Variants in AFF3 observed in about 807,000 individuals in gnomAD.
AFF3 encodes the protein AF4/FMR2 family member 3.
In AFF3, 32 loss-of-function variants were observed where a neutral mutation model predicts 129.7. The ratio of observed to expected loss-of-function variants is 0.25; its 90% CI spans 0.19 to 0.33. AFF3 has a LOEUF of 0.33. Among genes scored for constraint, AFF3 ranks in the 10% least tolerant of loss-of-function variants. The pLI, the probability that AFF3 is intolerant of heterozygous loss-of-function variation, is 1.00. For synonymous variants in AFF3, 644 were observed against 635.4 expected, an observed-to-expected ratio of 1.01 and a Z score of -0.20; for missense variants, 1,373 against 1,592.0, an observed-to-expected ratio of 0.86 and a Z score of 2.34.
chr2:99,895,738 TA>T (rs1447024549), intron 7 of AFF3, among the ~76,000 whole-genome samples: 1 of 151,864 alleles, frequency 6.6e-6, no homozygotes, highest in Non-Finnish European at 1.5e-5. Context: ...GAATAAACCA[TA>T]TTTGCACATT....
intron 4 of AFF3, among the ~76,000 whole-genome samples, chr2:100,023,859 G>A (rs1434635222): frequency 6.6e-6 from 1 of 152,180 alleles, no homozygotes; most frequent in Non-Finnish European, 1.5e-5. Context: ...TCTCAGACAG[G>A]TGGCCTGGGT....
intron 7 of AFF3, among the ~76,000 whole-genome samples, chr2:99,942,794 G>A (rs1314295693): frequency 6.6e-6 from 1 of 152,058 alleles, no homozygotes; most frequent in Admixed American, 6.5e-5. Context: ...ATTCCCATCA[G>A]AGAAGGAGCA....
intron 13 of AFF3, among the ~76,000 whole-genome samples, chr2:99,619,703 T>G (rs1681803896): frequency 6.6e-6 from 1 of 152,208 alleles, no homozygotes; most frequent in African/African-American, 2.4e-5. Context: ...ACTGACACCC[T>G]TGGCTTGTCT....
chr2:99,928,134 T>C (rs989537376), intron 7 of AFF3, among the ~76,000 whole-genome samples: 38 of 152,218 alleles, frequency 2.5e-4, no homozygotes, highest in African/African-American at 8.2e-4. Flanking sequence ...ACCTCTTTCG[T>C]TTGTAAACTG....
chr2:100,061,796 GA>G (rs1173569509), intron 4 of AFF3, among the ~76,000 whole-genome samples: 1 of 144,696 alleles, frequency 6.9e-6, no homozygotes. Context: ...CTTTGAGGGG[GA>G]AAAAAAGAGC....
At chr2:99,562,799 G>A (rs1314264554) in intron 20 of AFF3, among the ~76,000 whole-genome samples, 1 of 152,200 alleles carries the variant, frequency 6.6e-6, no homozygotes, top group African/African-American at 2.4e-5. Context: ...CTAGCAGGAA[G>A]GCCCTAGCCT....
chr2:99,938,432 C>T (rs1408273198), intron 7 of AFF3, among the ~76,000 whole-genome samples: 6 of 151,290 alleles, frequency 4.0e-5, no homozygotes, highest in African/African-American at 1.2e-4. Context: ...GACACACAGT[C>T]GATGATGATG....
At chr2:99,693,013 C>T (rs1446675543) in intron 11 of AFF3, among the ~76,000 whole-genome samples, 2 of 152,242 alleles carry the variant, frequency 1.3e-5, no homozygotes, top group Non-Finnish European at 2.9e-5. Flanking sequence ...GGGCAAACTG[C>T]TGCAGTCACC....
chr2:99,630,984 G>A, intron 13 of AFF3: 1 of 460,852 alleles, frequency 2.2e-6, no homozygotes, highest in Admixed American at 2.5e-5. Context: ...ACAGAGGAGG[G>A]CATTTCAGAA....
At chr2:99,987,457 C>G (rs1679976434) in intron 7 of AFF3, among the ~76,000 whole-genome samples, 1 of 152,162 alleles carries the variant, frequency 6.6e-6, no homozygotes, top group African/African-American at 2.4e-5. Flanking sequence ...CCTGTAATGC[C>G]AGTCTGAGAT....
chr2:99,965,871 T>C (rs1452448772), intron 7 of AFF3, among the ~76,000 whole-genome samples: 4 of 152,200 alleles, frequency 2.6e-5, no homozygotes, highest in African/African-American at 2.4e-5. Flanking sequence ...CTACTAGTCA[T>C]ATTTCTGCCA....
At position 99,551,332 on chromosome 2, in the gene AFF3, G is replaced by A. The variant is rs1161768707; in HGVS notation, c.*142C>T. On this transcript the variant is annotated 3_prime_UTR_variant, in exon 25 of 25. Transcript: ENST00000672756. ...CCACACATACAAACACACATGCCCT[G>A]CAAAAGATCATTGTTCAATGCTGAG... The A allele has an allele frequency of 1.3e-5, 16 of 1,230,012 alleles. No homozygotes were observed. Among genetic ancestry groups the A allele is most frequent in the Non-Finnish European group, 1.7e-5 (15 of 898,390 alleles). 76.2% of individuals were successfully genotyped at this position (1,230,012 alleles called of 1,614,324 possible). A position where few individuals can be genotyped will look rare whatever the true frequency, so the allele number is the denominator to read the frequency against.
chr2:100,141,384 T>A (rs1347182127), intron 1 of AFF3, among the ~76,000 whole-genome samples: 1 of 152,246 alleles, frequency 6.6e-6, no homozygotes, highest in African/African-American at 2.4e-5. Flanking sequence ...ACTTTCACTG[T>A]AATCACTTCA....
chr2:99,636,674 G>T (rs1451691108), intron 13 of AFF3, among the ~76,000 whole-genome samples: 2 of 152,220 alleles, frequency 1.3e-5, no homozygotes, highest in African/African-American at 4.8e-5. Flanking sequence ...GGCAGAGGCA[G>T]ATGCTGCATT....
At chr2:99,973,120 T>G (rs1373128655) in intron 7 of AFF3, among the ~76,000 whole-genome samples, 1 of 152,214 alleles carries the variant, frequency 6.6e-6, no homozygotes, top group Non-Finnish European at 1.5e-5. Context: ...TTGTGTCATT[T>G]CTAAGGCTTA....
intron 8 of AFF3, among the ~76,000 whole-genome samples, chr2:99,791,494 G>A (rs77300851): frequency 3.9e-5 from 6 of 152,294 alleles, no homozygotes; most frequent in South Asian, 2.1e-4. Flanking sequence ...TTTCCCTGGC[G>A]CCTGAACGTT....
rs1223680205 is a variant in AFF3 at position 99,753,809 on chromosome 2, C to A, written c.922-1508G>T. Among the ~76,000 whole-genome samples, 4 of 152,196 alleles carry A rather than the reference C, an allele frequency of 2.6e-5. No individual in the cohort carries two copies. In the East Asian group the frequency reaches 7.7e-4, roughly 29 times the overall value. On this transcript the variant is annotated intron_variant, in intron 8 of 24. Transcript: ENST00000672756. ...CCTTCTCCATTCTGGTGTTACCAAC[C>A]AATTGTATACAATTTTATACATCAC...
intron 7 of AFF3, among the ~76,000 whole-genome samples, chr2:99,937,544 G>A (rs1016526352): frequency 1.3e-5 from 2 of 152,000 alleles, no homozygotes; most frequent in Admixed American, 6.6e-5. Flanking sequence ...GACTACAGGC[G>A]CCTGCTACCA....
intron 7 of AFF3, among the ~76,000 whole-genome samples, chr2:99,880,275 G>A (rs773568182): frequency 5.9e-5 from 9 of 152,170 alleles, no homozygotes; most frequent in Non-Finnish European, 8.8e-5. Flanking sequence ...AGCAAGACAC[G>A]CACTGCCTGG....
Sources: allele counts gnomAD v4.1 joint callset (sites outside exome capture counted in the v4.1 genomes callset), GRCh38; gene constraint gnomAD v4.1.1; transcripts MANE v1.5; gene names NCBI Gene and HGNC (gene_info 2026-07-23, HGNC 2026-07-21).